MLPH: variants seen among roughly 807,000 people sequenced by gnomAD.
The protein encoded by MLPH is exophilin-3.
A neutral mutation model predicts 72.1 loss-of-function variants in MLPH; 51 were observed. The observed-to-expected ratio is 0.71, with a 90% CI of 0.56 to 0.89. The LOEUF is 0.89. MLPH is among the 40% of genes least tolerant of loss of function. The probability of loss-of-function intolerance (pLI) is 0.00; values close to 1 mark genes in which losing one functional copy is unlikely to be tolerated. For synonymous variants in MLPH, 301 were observed against 310.1 expected, an observed-to-expected ratio of 0.97 and a Z score of 0.31; for missense variants, 743 against 759.9, an observed-to-expected ratio of 0.98 and a Z score of 0.26.
At chr2:237,490,851 G>C (rs145174367) in intron 1 of MLPH, among the ~76,000 whole-genome samples, 2 of 152,316 alleles carry the variant, frequency 1.3e-5, no homozygotes, top group East Asian at 3.9e-4. Context: ...TGACTGTAAA[G>C]GAACAGAGTT....
intron 2 of MLPH, among the ~76,000 whole-genome samples, chr2:237,494,746 G>A (rs908332487): frequency 1.3e-5 from 2 of 152,204 alleles, no homozygotes; most frequent in African/African-American, 4.8e-5. Flanking sequence ...GTGACATCAC[G>A]CAGGTGTGTT....
chr2:237,526,740 T>C (rs2080313689), intron 7 of MLPH, among the ~76,000 whole-genome samples: 1 of 152,172 alleles, frequency 6.6e-6, no homozygotes, highest in South Asian at 2.1e-4. Context: ...ACACACGTTC[T>C]TTTTACACAC....
chr2:237,533,761 G>C (rs1279387561), intron 8 of MLPH, among the ~76,000 whole-genome samples: 1 of 152,266 alleles, frequency 6.6e-6, no homozygotes, highest in African/African-American at 2.4e-5. Flanking sequence ...GTTACTAGTG[G>C]CCGCTCAAGG....
At chr2:237,532,612 C>T (rs2080444400) in intron 8 of MLPH, among the ~76,000 whole-genome samples, 1 of 152,192 alleles carries the variant, frequency 6.6e-6, no homozygotes, top group South Asian at 2.1e-4. Flanking sequence ...CATTTGTAAA[C>T]TCTAAACTTT....
chr2:237,511,729 A>G (rs2079908055), intron 4 of MLPH: 1 of 153,410 alleles, frequency 6.5e-6, no homozygotes, highest in Non-Finnish European at 1.5e-5. Context: ...ATCTGTTGTA[A>G]TTCAGTTGTT....
intron 2 of MLPH, among the ~76,000 whole-genome samples, chr2:237,504,824 C>T (rs1197379202): frequency 1.3e-5 from 2 of 152,182 alleles, no homozygotes; most frequent in Admixed American, 1.3e-4. Flanking sequence ...GTTAGGGTGA[C>T]GGCTGCCTCA....
chr2:237,521,014 C>T (rs1202069317), intron 6 of MLPH, among the ~76,000 whole-genome samples: 1 of 152,124 alleles, frequency 6.6e-6, no homozygotes, highest in African/African-American at 2.4e-5. Flanking sequence ...GTGTTTACAC[C>T]TAGGGCTGCG....
rs2079865135 is a variant in MLPH at position 237,510,428 on chromosome 2, G to C, written c.111-146G>C. Reference sequence around the variant, plus strand: ...TGCCTGTGTGGCTTTGCCCAACGTTGGGTCACTGTTTTCTGCATAGGAGAC... The same window carrying C: ...TGCCTGTGTGGCTTTGCCCAACGTTCGGTCACTGTTTTCTGCATAGGAGAC... On this transcript the variant is annotated intron_variant, in intron 2 of 15. Coordinates refer to ENST00000264605, the MANE Select transcript of MLPH (RefSeq NM_024101.7). The surrounding 1 kb of genome is among the most constrained non-coding windows in gnomAD (Gnocchi z 4.4). 5 of 861,404 alleles carry C rather than the reference G, an allele frequency of 5.8e-6. No individual in the cohort carries two copies. Among genetic ancestry groups the C allele is most frequent in the Non-Finnish European group, 9.6e-6 (5 of 522,894 alleles). The allele number at this position is 861,404 out of a possible 1,614,324, so 53.4% of individuals were successfully genotyped here.
chr2:237,545,322 C>A, intron 12 of MLPH: 1 of 653,116 alleles, frequency 1.5e-6, no homozygotes, highest in Non-Finnish European at 2.3e-6. Flanking sequence ...CACCGTGGGC[C>A]TGACAGCAGG....
rs2106291930 is a variant in MLPH, at chr2:237,510,791, G to T, written c.328G>T (p.Ala110Ser). ...QGWICDPCHLARVVKIGSLEW... is the reference protein window; with the variant it reads ...QGWICDPCHLSRVVKIGSLEW... Reference sequence around the variant, plus strand: ...CTGGATCTGTGACCCCTGCCATCTGGCCAGGTGAGCCCAGGCCTTGAGGTA... The same window carrying T: ...CTGGATCTGTGACCCCTGCCATCTGTCCAGGTGAGCCCAGGCCTTGAGGTA... Residue 110 changes from alanine (A) to serine (S), a missense_variant, in exon 3 of 16, where the codon GCC becomes TCC. Physicochemically the swap from Ala to Ser is moderately conservative, Grantham distance 99. Transcript: ENST00000264605. The surrounding 1 kb of genome is among the most constrained non-coding windows in gnomAD (Gnocchi z 4.4). 1 of 1,613,326 alleles carries T rather than the reference G, an allele frequency of 6.2e-7. No homozygotes were observed. Among genetic ancestry groups the T allele is most frequent in the East Asian group, 2.2e-5 (1 of 44,874 alleles).
chr2:237,545,800 TTCAGATCA>T (rs1300280352), intron 12 of MLPH: 3 of 395,954 alleles, frequency 7.6e-6, no homozygotes, highest in Non-Finnish European at 1.2e-5. Flanking sequence ...AGCTCTAAAT[TTCAGATCA>T]ACAACTAATA....
At chr2:237,524,705 C>A (rs923816311) in intron 6 of MLPH, among the ~76,000 whole-genome samples, 1 of 152,246 alleles carries the variant, frequency 6.6e-6, no homozygotes, top group Admixed American at 6.5e-5. Context: ...ATCATAGATG[C>A]TGTACCTGGA....
In MLPH at chr2:237,513,279, G is replaced by C. The variant is rs543566357; in HGVS notation, c.445+2178G>C. On this transcript the variant is annotated intron_variant, in intron 4 of 15. Coordinates refer to ENST00000264605, the MANE Select transcript of MLPH (RefSeq NM_024101.7). Reference sequence around the variant, plus strand: ...AGGCCTTCCATAGAGGACGCGGCAGGCTCTGCAGGAAGCAGCTTCGATGGC... The same window carrying C: ...AGGCCTTCCATAGAGGACGCGGCAGCCTCTGCAGGAAGCAGCTTCGATGGC... Among the ~76,000 whole-genome samples, 275 of 152,282 alleles carry C rather than the reference G, an allele frequency of 1.8e-3. 2 individuals carry two copies. The highest frequency in any genetic ancestry group is 6.4e-3 in the African/African-American group (268 of 41,568).
At chr2:237,502,837 G>T (rs981528188) in intron 2 of MLPH, among the ~76,000 whole-genome samples, 2 of 151,954 alleles carry the variant, frequency 1.3e-5, no homozygotes, top group Non-Finnish European at 2.9e-5. Flanking sequence ...ATTTTTTTTT[G>T]ACCAGGCTCG....
At chr2:237,497,948 T>C (rs563227355) in intron 2 of MLPH, among the ~76,000 whole-genome samples, 1 of 152,304 alleles carries the variant, frequency 6.6e-6, no homozygotes, top group African/African-American at 2.4e-5. Flanking sequence ...GTAACAAATG[T>C]AGCAATTCAG....
In MLPH at chr2:237,533,874, C is replaced by T. The variant is rs143505349; in HGVS notation, c.1021-690C>T. 4.1e-3 allele frequency among the ~76,000 whole-genome samples: 628 copies of T among 152,346 alleles called. 8 individuals carry two copies. Among genetic ancestry groups the T allele is most frequent in the African/African-American group, 0.014 (598 of 41,574 alleles). On this transcript the variant is annotated intron_variant, in intron 8 of 15. Transcript: ENST00000264605. ...CAAAGCCCTTGGTGCTGTGATGATT[C>T]AACTAATTACCGACCAAACAATACA...
chr2:237,540,656 T>C, intron 10 of MLPH, 123 bp downstream of exon 10: 2 of 1,493,242 alleles, frequency 1.3e-6, no homozygotes, highest in Non-Finnish European at 1.8e-6. Flanking sequence ...CAAGGGCCCT[T>C]GATGGGGTCT....
At chr2:237,515,797 G>A (rs574619199) in intron 4 of MLPH, among the ~76,000 whole-genome samples, 9 of 152,264 alleles carry the variant, frequency 5.9e-5, no homozygotes, top group Non-Finnish European at 1.0e-4. Context: ...CTCAGGGGCC[G>A]TGATGAAGCT....
intron 2 of MLPH, among the ~76,000 whole-genome samples, chr2:237,504,732 C>G (rs1280743231): frequency 6.6e-6 from 1 of 152,188 alleles, no homozygotes; most frequent in Non-Finnish European, 1.5e-5. Flanking sequence ...TAGGCATCTC[C>G]TACCATCCAG....
Sources: allele counts gnomAD v4.1 joint callset (sites outside exome capture counted in the v4.1 genomes callset), GRCh38; gene constraint gnomAD v4.1.1; non-coding constraint Gnocchi (gnomAD v3.1); transcripts MANE v1.5; gene names NCBI Gene and HGNC (gene_info 2026-07-23, HGNC 2026-07-21).